UGT1A8: variants seen among roughly 807,000 people sequenced by gnomAD.
UGT1A8 encodes the protein UDP glucuronosyltransferase family 1 member A8.
A neutral mutation model predicts 45.3 loss-of-function variants in UGT1A8; 39 were observed. The observed-to-expected ratio is 0.86, with a 90% confidence interval of 0.67 to 1.12. The LOEUF (loss-of-function observed/expected upper bound fraction) is 1.12. Ranked by LOEUF, UGT1A8 falls within the 50% of genes most tolerant of loss-of-function variation. The probability of loss-of-function intolerance (pLI) is 0.00; values close to 1 mark genes in which losing one functional copy is unlikely to be tolerated. For synonymous variants in UGT1A8, 275 were observed against 249.2 expected (o/e 1.10, Z -0.97); for missense variants, 719 against 664.9 (o/e 1.08, Z -0.90).
chr2:233,733,638 G>C (rs913820039), intron 1 of UGT1A8, among the ~76,000 whole-genome samples: 1 of 152,200 alleles, frequency 6.6e-6, no homozygotes, highest in African/African-American at 2.4e-5. Flanking sequence ...AACCAGCCTT[G>C]CATCCCAAGG....
chr2:233,637,355 A>T, intron 1 of UGT1A8: 1 of 1,613,706 alleles, frequency 6.2e-7, no homozygotes, highest in Non-Finnish European at 8.5e-7. Context: ...ATCAACTGTC[A>T]TCAGGGAAAG....
chr2:233,769,857 C>CA lies in UGT1A8; in HGVS notation c.1295+1435dup, dbSNP rs879204025. On this transcript the variant is annotated intron_variant, in intron 4 of 4. Coordinates refer to ENST00000373450, the MANE Select transcript of UGT1A8 (RefSeq NM_019076.5). This position sits in a 1 kb window ranked among gnomAD's most constrained non-coding sequence, Gnocchi z 4.4. ...TGGGCAACAGAGTGAGACCCTGTCT[C>CA]AAAAAAAAAAAAAAAAATGAAAAGT... The CA allele has an allele frequency of 0.16, 34,791 of 223,900 alleles. 2,719 individuals are homozygous for CA. Among genetic ancestry groups the CA allele is most frequent in the African/African-American group, 0.37 (13,208 of 35,902 alleles). 13.9% of individuals were successfully genotyped at this position (223,900 alleles called of 1,614,324 possible).
chr2:233,772,509 T>C lies in UGT1A8; in HGVS notation c.1543T>C (p.Leu515=). 1.9e-6 allele frequency: 3 copies of C among 1,614,170 alleles called. No individual in the cohort carries two copies. Among genetic ancestry groups the C allele is most frequent in the Middle Eastern group, 1.6e-4 (1 of 6,062 alleles). ...TTGTGCTTATGGCTACCGGAAATGC[T>C]TGGGGAAAAAAGGGCGAGTTAAGAA... The part of the protein sequence containing the change: ...KCCAYGYRKC[L]GKKGRVKKAH... Residue 515 remains leucine, a synonymous_variant, in exon 5 of 5, where the codon TTG becomes CTG. Transcript: ENST00000373450.
chr2:233,656,326 A>G (rs547285897), intron 1 of UGT1A8, among the ~76,000 whole-genome samples: 119 of 152,372 alleles, frequency 7.8e-4, no homozygotes, highest in African/African-American at 2.8e-3. Flanking sequence ...CCAGTCTGTG[A>G]TCACCAGTCA....
intron 1 of UGT1A8, among the ~76,000 whole-genome samples, chr2:233,766,742 G>T (rs1249550835): frequency 6.6e-6 from 1 of 152,146 alleles, no homozygotes; most frequent in African/African-American, 2.4e-5. Context: ...GTATGTACAG[G>T]TGTGTGCATG....
At chr2:233,663,661 A>G (rs1451347676) in intron 1 of UGT1A8, among the ~76,000 whole-genome samples, 1 of 152,164 alleles carries the variant, frequency 6.6e-6, no homozygotes, top group Non-Finnish European at 1.5e-5. Flanking sequence ...GGCAAGAAGG[A>G]GGTCTGCTTT....
chr2:233,742,393 A>G (rs1691967380), intron 1 of UGT1A8, among the ~76,000 whole-genome samples: 1 of 151,992 alleles, frequency 6.6e-6, no homozygotes, highest in African/African-American at 2.4e-5. Context: ...GGCTCATGTT[A>G]TTATTTGTAG....
At chr2:233,754,239 C>A in intron 1 of UGT1A8, 1 of 170,838 alleles carries the variant, frequency 5.9e-6, no homozygotes. Flanking sequence ...CTGGCTCACA[C>A]TTTCCCAACG....
At chr2:233,648,863 C>T in intron 1 of UGT1A8, 2 of 1,233,410 alleles carry the variant, frequency 1.6e-6, no homozygotes, top group South Asian at 2.4e-5. Context: ...TTAAACATAG[C>T]CTCTGAAATT....
Position 233,650,859 on chromosome 2 carries a change from T to C in UGT1A8, c.855+32297T>C, listed in dbSNP as rs536343318. On this transcript the variant is annotated intron_variant, in intron 1 of 4. Coordinates refer to ENST00000373450, the MANE Select transcript of UGT1A8 (RefSeq NM_019076.5). Reference sequence around the variant, plus strand: ...ATCCATGCTTAAGTTTTTCATAATATGAATTTTCATGAATTGTTTGATGAT... The same window carrying C: ...ATCCATGCTTAAGTTTTTCATAATACGAATTTTCATGAATTGTTTGATGAT... Among the ~76,000 whole-genome samples the C allele has an allele frequency of 2.0e-5, 3 of 152,338 alleles. No individual in the cohort carries two copies. In the East Asian group the frequency reaches 5.8e-4, roughly 29 times the overall value.
intron 1 of UGT1A8, among the ~76,000 whole-genome samples, chr2:233,731,894 C>A (rs1470586397): frequency 6.6e-6 from 1 of 152,238 alleles, no homozygotes; most frequent in Non-Finnish European, 1.5e-5. Context: ...AATTTACACT[C>A]CCACCAATGG....
At chr2:233,760,437 G>A (rs1351570136) in intron 1 of UGT1A8, 1 of 1,614,104 alleles carries the variant, frequency 6.2e-7, no homozygotes, top group East Asian at 2.2e-5. Flanking sequence ...TCCAGCAGCT[G>A]CAGCAGAGGG....
intron 1 of UGT1A8, among the ~76,000 whole-genome samples, chr2:233,626,995 G>A (rs2073096248): frequency 6.6e-6 from 1 of 152,070 alleles, no homozygotes; most frequent in Non-Finnish European, 1.5e-5. Context: ...AACTGTCAGT[G>A]GGTGTTGATC....
chr2:233,672,460 T>C (rs141811044), intron 1 of UGT1A8: 504 of 1,613,886 alleles, frequency 3.1e-4, no homozygotes, highest in Non-Finnish European at 4.1e-4. Flanking sequence ...ACTTTGCCAC[T>C]ATCTTGAAGA....
chr2:233,682,737 C>T, intron 1 of UGT1A8: 3 of 1,613,870 alleles, frequency 1.9e-6, no homozygotes, highest in Non-Finnish European at 1.7e-6. Flanking sequence ...CCCGTGATGC[C>T]CAATATGATC....
chr2:233,752,739 T>C (rs1241633720), intron 1 of UGT1A8, among the ~76,000 whole-genome samples: 1 of 152,224 alleles, frequency 6.6e-6, no homozygotes, highest in East Asian at 1.9e-4. Context: ...AGAGAGACCC[T>C]GTCTCTAAAA....
Position 233,731,284 on chromosome 2 carries a change from C to CTT in UGT1A8, c.856-35737_856-35736dup, listed in dbSNP as rs78127606. 2.2e-3 allele frequency among the ~76,000 whole-genome samples: 301 copies of CTT among 139,786 alleles called. 4 individuals are homozygous for CTT. Among genetic ancestry groups the CTT allele is most frequent in the African/African-American group, 6.8e-3 (261 of 38,534 alleles). 91.7% of individuals were successfully genotyped at this position (139,786 alleles called of 152,430 possible). A position where few individuals can be genotyped will look rare whatever the true frequency, so the allele number is the denominator to read the frequency against. On this transcript the variant is annotated intron_variant, in intron 1 of 4. Coordinates refer to ENST00000373450, the MANE Select transcript of UGT1A8 (RefSeq NM_019076.5). The stretch of plus-strand genomic sequence containing the variant: ...ACTGTTGCCCTTCCAGTTTTTCTTT[C>CTT]TTTTTTTTTTTTTTATTATACTTTA...
At chr2:233,639,846 T>C (rs1054580829) in intron 1 of UGT1A8, among the ~76,000 whole-genome samples, 5 of 152,276 alleles carry the variant, frequency 3.3e-5, no homozygotes, top group African/African-American at 1.2e-4. Flanking sequence ...TTCAGTATTC[T>C]AATGTGTGTG....
At chr2:233,660,448 C>T (rs1026969543) in intron 1 of UGT1A8, among the ~76,000 whole-genome samples, 1 of 152,170 alleles carries the variant, frequency 6.6e-6, no homozygotes, top group Non-Finnish European at 1.5e-5. Context: ...ATTTAAAAGA[C>T]AGTCCTTTAG....
Sources: gnomAD v4.1 joint callset for allele counts (sites outside exome capture counted in the v4.1 genomes callset) on GRCh38, gnomAD v4.1.1 for gene constraint, Gnocchi (gnomAD v3.1) non-coding constraint, MANE v1.5 for transcripts, NCBI Gene and HGNC (gene_info 2026-07-23, HGNC 2026-07-21) for gene names.